IGSF5: variants seen among roughly 807,000 people sequenced by gnomAD.
IGSF5 encodes immunoglobulin superfamily member 5, also known as immunoglobulin superfamily 5 like.
IGSF5 carries 41 observed loss-of-function variants against 39.4 expected under a neutral mutation model. The ratio of observed to expected loss-of-function variants is 1.04; its 90% CI spans 0.81 to 1.35. IGSF5 has a LOEUF of 1.35. IGSF5 is among the 40% of genes most tolerant of loss of function. The pLI is 0.00. For missense variants in IGSF5, 487 were observed against 494.6 expected (o/e 0.98, Z 0.15); for synonymous variants, 183 against 175.3 (o/e 1.04, Z -0.34).
At chr21:39,737,291 A>G in the IGSF5 span, among the ~76,000 whole-genome samples, 1 of 151,930 alleles carries the variant, frequency 6.6e-6, no homozygotes, top group South Asian at 2.1e-4. Context: ...TCCAACACAA[A>G]TTGGCAGGGG....
At position 39,746,442 on chromosome 21, in the gene IGSF5, C is replaced by T. The variant is rs866590248; in HGVS notation, c.100+144C>T. 12 of 561,532 alleles carry T rather than the reference C, an allele frequency of 2.1e-5. 1 individual carries two copies. Among genetic ancestry groups the T allele is most frequent in the Middle Eastern group, 4.6e-4 (1 of 2,162 alleles). The allele number at this position is 561,532 out of a possible 1,614,324, so 34.8% of individuals were successfully genotyped here. ...GGGGGTTGCTCCCATCCCTCTTTTTCTATCTCTACTTTTTCTCAATTATCT... is the reference window on the plus strand; with the variant it reads ...GGGGGTTGCTCCCATCCCTCTTTTTTTATCTCTACTTTTTCTCAATTATCT... On this transcript the variant is annotated intron_variant, in intron 2 of 8. Transcript: ENST00000380588.
chr21:39,719,871 A>G, the IGSF5 span, among the ~76,000 whole-genome samples: 5 of 152,214 alleles, frequency 3.3e-5, no homozygotes, highest in African/African-American at 1.2e-4. Flanking sequence ...TCCACTGGCA[A>G]CACCCTGGGC....
intron 2 of IGSF5, among the ~76,000 whole-genome samples, chr21:39,752,915 C>T (rs2080012619): frequency 4.6e-5 from 7 of 151,970 alleles, no homozygotes; most frequent in Admixed American, 4.6e-4. Context: ...TTGTTGGAGG[C>T]ATAGTTTGCA....
At chr21:39,789,034 C>A (rs1045229713) in intron 6 of IGSF5, among the ~76,000 whole-genome samples, 3 of 152,122 alleles carry the variant, frequency 2.0e-5, no homozygotes, top group African/African-American at 4.8e-5. Context: ...GAGGACACCA[C>A]CAAGCAGCAG....
chr21:39,738,351 C>T, the IGSF5 span, among the ~76,000 whole-genome samples: 1 of 152,088 alleles, frequency 6.6e-6, no homozygotes, highest in Non-Finnish European at 1.5e-5. This position sits in a 1 kb window ranked among gnomAD's most constrained non-coding sequence, Gnocchi z 6.4. Context: ...GGGGAAACCG[C>T]CCAACAGCCG....
At chr21:39,743,038 T>C (rs148665570), upstream of IGSF5, among the ~76,000 whole-genome samples, 53 of 152,292 alleles carry the variant, frequency 3.5e-4, no homozygotes, top group African/African-American at 1.3e-3. Flanking sequence ...GCAGTAGGAT[T>C]TTCTTCCTTT....
chr21:39,721,289 C>T, the IGSF5 span, among the ~76,000 whole-genome samples: 2 of 151,994 alleles, frequency 1.3e-5, no homozygotes, highest in African/African-American at 4.8e-5. Flanking sequence ...ATAATAATAC[C>T]CACCTCTTAT....
At chr21:39,762,498 C>T (rs576694781) in intron 2 of IGSF5, among the ~76,000 whole-genome samples, 12 of 151,990 alleles carry the variant, frequency 7.9e-5, no homozygotes, top group Non-Finnish European at 1.0e-4. Flanking sequence ...ACCAGGGTTC[C>T]GATTATGCAG....
At chr21:39,786,176 C>T (rs2086918262) in intron 5 of IGSF5, among the ~76,000 whole-genome samples, 4 of 151,258 alleles carry the variant, frequency 2.6e-5, no homozygotes, top group African/African-American at 4.9e-5. Context: ...AGGCAACCTA[C>T]AAAATGGGAG....
chr21:39,799,372 A>G (rs1432206654), intron 8 of IGSF5, among the ~76,000 whole-genome samples: 2 of 152,218 alleles, frequency 1.3e-5, no homozygotes, highest in African/African-American at 2.4e-5. Flanking sequence ...GCCCTGTGCC[A>G]GGAACACACT....
chr21:39,759,057 T>C (rs373978020), intron 2 of IGSF5, among the ~76,000 whole-genome samples: 40 of 150,918 alleles, frequency 2.7e-4, no homozygotes, highest in African/African-American at 9.7e-4. Flanking sequence ...CTTCTAACTG[T>C]GTAGACATGT....
At chr21:39,774,374 G>C (rs1271370877) in intron 4 of IGSF5, among the ~76,000 whole-genome samples, 3 of 152,190 alleles carry the variant, frequency 2.0e-5, no homozygotes, top group African/African-American at 7.2e-5. Flanking sequence ...AAAGTGCAAA[G>C]CATTTGTTTT....
chr21:39,736,966 G>T, the IGSF5 span, among the ~76,000 whole-genome samples: 27 of 152,130 alleles, frequency 1.8e-4, no homozygotes, highest in African/African-American at 6.3e-4. Context: ...CCTGACCTCA[G>T]ATTTCTATTC....
chr21:39,752,525 T>C (rs1363042806), intron 2 of IGSF5, among the ~76,000 whole-genome samples: 1 of 152,234 alleles, frequency 6.6e-6, no homozygotes, highest in Non-Finnish European at 1.5e-5. Flanking sequence ...TTTGGGTAGA[T>C]ACCCAGTAAT....
chr21:39,792,074 C>A lies in IGSF5; in HGVS notation c.1023C>A (p.Tyr341Ter), dbSNP rs1430472972. 1 of 1,610,136 alleles carries A rather than the reference C, an allele frequency of 6.2e-7. No individual in the cohort carries two copies. Among genetic ancestry groups the A allele is most frequent in the African/African-American group, 1.3e-5 (1 of 74,818 alleles). The change falls in exon 7 of 9, where the codon TAC (tyrosine) becomes TAA (stop). Residue 341 changes from tyrosine (Y) to a stop codon, truncating the protein, a stop_gained. Coordinates refer to ENST00000380588, the MANE Select transcript of IGSF5 (RefSeq NM_001080444.2). LOFTEE classifies it high-confidence loss of function. ...AAAGTGGAAATGAAAACTCCGGCTACAATTCAGATGAACAAAAGACCACAG... is the reference window on the plus strand; with the variant it reads ...AAAGTGGAAATGAAAACTCCGGCTAAAATTCAGATGAACAAAAGACCACAG... ...ETESGNENSGYNSDEQKTTDT... is the reference protein window; with the variant it reads ...ETESGNENSG
intron 4 of IGSF5, among the ~76,000 whole-genome samples, chr21:39,778,053 G>A (rs1303875033): frequency 6.6e-6 from 1 of 152,174 alleles, no homozygotes; most frequent in Non-Finnish European, 1.5e-5. Flanking sequence ...TTGAGTGACA[G>A]CCTTTTGTTG....
chr21:39,729,131 A>G, the IGSF5 span: 4 of 152,362 alleles, frequency 2.6e-5, no homozygotes, highest in East Asian at 7.7e-4. Context: ...TTCTCTTTAC[A>G]GAAAGCTACA....
At chr21:39,770,402 T>C (rs532717231) in intron 3 of IGSF5, among the ~76,000 whole-genome samples, 1 of 152,334 alleles carries the variant, frequency 6.6e-6, no homozygotes, top group African/African-American at 2.4e-5. Flanking sequence ...TAGGAAGTTA[T>C]GTTTAAGACC....
the IGSF5 span, among the ~76,000 whole-genome samples, chr21:39,724,426 G>T: frequency 1.3e-5 from 2 of 152,190 alleles, no homozygotes. Flanking sequence ...TTGTGGGAGG[G>T]ACCCTGTGGG....
Sources: gnomAD v4.1 joint callset for allele counts (sites outside exome capture counted in the v4.1 genomes callset) on GRCh38, gnomAD v4.1.1 for gene constraint, Gnocchi (gnomAD v3.1) non-coding constraint, MANE v1.5 for transcripts, NCBI Gene and HGNC (gene_info 2026-07-23, HGNC 2026-07-21) for gene names.